KCNH8: variants seen among roughly 807,000 people sequenced by gnomAD.
KCNH8 encodes the protein voltage-gated delayed rectifier potassium channel KCNH8.
A neutral mutation model predicts 103.6 loss-of-function variants in KCNH8; 70 were observed. That is an observed-to-expected ratio of 0.68 (90% confidence interval 0.56 to 0.82). KCNH8 has a LOEUF of 0.82. KCNH8 is among the 40% of genes least tolerant of loss of function. The pLI is 0.00. For synonymous variants in KCNH8, 498 were observed against 489.4 expected, an observed-to-expected ratio of 1.02 and a Z score of -0.23; for missense variants, 1,217 against 1,329.9, an observed-to-expected ratio of 0.92 and a Z score of 1.32.
intron 1 of KCNH8, among the ~76,000 whole-genome samples, chr3:19,213,263 A>C (rs1317303786): frequency 6.6e-6 from 1 of 152,168 alleles, no homozygotes; most frequent in Non-Finnish European, 1.5e-5. Context: ...ATCTTTTTTA[A>C]TAGGAGTGTT....
At chr3:19,481,245 C>T (rs2068081215) in intron 11 of KCNH8, among the ~76,000 whole-genome samples, 2 of 152,056 alleles carry the variant, frequency 1.3e-5, no homozygotes, top group Admixed American at 1.3e-4. Flanking sequence ...GGAATCACTG[C>T]TTTTAATGTA....
At chr3:19,208,305 C>T (rs138242868) in intron 1 of KCNH8, among the ~76,000 whole-genome samples, 1 of 152,108 alleles carries the variant, frequency 6.6e-6, no homozygotes, top group African/African-American at 2.4e-5. Context: ...AGAAAGTACA[C>T]ATTTAACATT....
At chr3:19,363,101 C>G (rs533302854) in intron 5 of KCNH8, among the ~76,000 whole-genome samples, 3 of 152,116 alleles carry the variant, frequency 2.0e-5, no homozygotes, top group African/African-American at 7.2e-5. Context: ...GATTCATTTA[C>G]TACTTAAAGG....
intron 8 of KCNH8, among the ~76,000 whole-genome samples, chr3:19,438,963 A>G (rs1250139968): frequency 6.6e-6 from 1 of 152,214 alleles, no homozygotes; most frequent in Non-Finnish European, 1.5e-5. Context: ...CTTTCTATAA[A>G]GCAAGGGTAT....
Position 19,400,231 on chromosome 3 carries a change from C to CAAAAA in KCNH8, c.1177+4940_1177+4944dup, listed in dbSNP as rs11422314. On this transcript the variant is annotated intron_variant, in intron 7 of 15. Coordinates refer to ENST00000328405, the MANE Select transcript of KCNH8 (RefSeq NM_144633.3). The stretch of plus-strand genomic sequence containing the variant: ...CCCTACCAGATACGATGTTAGCCAG[C>CAAAAA]AAAAAAAAAAAAAAAAAAAAAAAAG... Among the ~76,000 whole-genome samples the CAAAAA allele has an allele frequency of 7.3e-3, 385 of 52,834 alleles. 5 individuals are homozygous for CAAAAA. The highest frequency in any genetic ancestry group is 9.5e-3 in the East Asian group (12 of 1,258). The allele number at this position is 52,834 out of a possible 152,430, so 34.7% of individuals were successfully genotyped here.
intron 7 of KCNH8, among the ~76,000 whole-genome samples, chr3:19,408,515 A>G (rs1458926936): frequency 1.3e-5 from 2 of 152,150 alleles, no homozygotes; most frequent in Non-Finnish European, 2.9e-5. Context: ...GTCACTATCC[A>G]AAATAGAAAC....
At chr3:19,420,553 G>A (rs747098140) in intron 7 of KCNH8, among the ~76,000 whole-genome samples, 9 of 152,142 alleles carry the variant, frequency 5.9e-5, no homozygotes, top group Non-Finnish European at 1.2e-4. Flanking sequence ...AGGTTTACAG[G>A]TTGAAAAGCT....
intron 6 of KCNH8, chr3:19,391,715 C>A (rs1362549451): frequency 6.6e-6 from 1 of 151,904 alleles, no homozygotes; most frequent in Non-Finnish European, 1.5e-5. Context: ...GTGCCAACAT[C>A]TTTAAAACGT....
chr3:19,469,510 G>A (rs1407575532), intron 11 of KCNH8, among the ~76,000 whole-genome samples: 1 of 152,036 alleles, frequency 6.6e-6, no homozygotes, highest in Non-Finnish European at 1.5e-5. Context: ...CGCGATCTCG[G>A]CTCACTGCAA....
intron 2 of KCNH8, among the ~76,000 whole-genome samples, chr3:19,258,947 C>CTCTCTCTCTATATATATATA (rs1321918245): frequency 1.6e-4 from 4 of 24,802 alleles, no homozygotes; most frequent in Non-Finnish European, 2.4e-4. Flanking sequence ...CTCTCTCTCT[C>CTCTCTCTCTATATATATATA]TATATATATA....
intron 1 of KCNH8, among the ~76,000 whole-genome samples, chr3:19,222,753 C>T (rs1167159107): frequency 6.6e-6 from 1 of 151,920 alleles, no homozygotes; most frequent in Non-Finnish European, 1.5e-5. Context: ...TCTGTTTTGA[C>T]CACAGATAAA....
chr3:19,221,907 G>A (rs1011761693), intron 1 of KCNH8, among the ~76,000 whole-genome samples: 2 of 151,656 alleles, frequency 1.3e-5, no homozygotes, highest in African/African-American at 2.4e-5. Flanking sequence ...GAGTGCAATG[G>A]CACGATGTTG....
chr3:19,343,286 T>C (rs2065686008), intron 4 of KCNH8, among the ~76,000 whole-genome samples: 1 of 152,074 alleles, frequency 6.6e-6, no homozygotes, highest in Non-Finnish European at 1.5e-5. Context: ...TAAATTACAA[T>C]AGAGTTGCTT....
At chr3:19,373,397 G>A (rs553559433) in intron 5 of KCNH8, among the ~76,000 whole-genome samples, 61 of 152,130 alleles carry the variant, frequency 4.0e-4, no homozygotes, top group South Asian at 1.0e-3. Context: ...GTTTATTTGC[G>A]TAGAGGTGTT....
intron 11 of KCNH8, among the ~76,000 whole-genome samples, chr3:19,491,169 G>A (rs2068312419): frequency 6.6e-6 from 1 of 152,110 alleles, no homozygotes; most frequent in Non-Finnish European, 1.5e-5. Flanking sequence ...GTGAGTGTGT[G>A]TGTGAATGGA....
chr3:19,450,324 G>C lies in KCNH8; in HGVS notation c.1575+19G>C. On this transcript the variant is annotated intron_variant, in intron 9 of 15. Coordinates refer to ENST00000328405, the MANE Select transcript of KCNH8 (RefSeq NM_144633.3). ...AAATGAGGTAATGTTCATTTCTCAT[G>C]TTGTTTTCAGGCAGAAAGCACATAT... is the stretch of plus-strand genomic sequence containing the variant. 1 of 1,587,112 alleles carries C rather than the reference G, an allele frequency of 6.3e-7. No individual in the cohort carries two copies. The highest frequency in any genetic ancestry group is 8.7e-7 in the Non-Finnish European group (1 of 1,155,666).
At chr3:19,486,760 T>A (rs2068220183) in intron 11 of KCNH8, among the ~76,000 whole-genome samples, 1 of 152,162 alleles carries the variant, frequency 6.6e-6, no homozygotes, top group African/African-American at 2.4e-5. Context: ...GGGCTAGTAC[T>A]GCAAAGTTTG....
intron 1 of KCNH8, among the ~76,000 whole-genome samples, chr3:19,153,656 C>T (rs1474647323): frequency 2.4e-5 from 3 of 126,286 alleles, no homozygotes; most frequent in African/African-American, 9.0e-5. Context: ...TTTTTTTAGA[C>T]GAGTCTCACT....
rs2064022418 is a variant in KCNH8 at position 19,233,594 on chromosome 3, T to A, written c.77-20060T>A. On this transcript the variant is annotated intron_variant, in intron 1 of 15. Coordinates refer to ENST00000328405, the MANE Select transcript of KCNH8 (RefSeq NM_144633.3). ...ATTGTTTCATTCAAGTCATTTATTA[T>A]AACATTGATGAGAAAAAAACATCAG... 2.0e-5 allele frequency among the ~76,000 whole-genome samples: 3 copies of A among 152,188 alleles called. No individual in the cohort carries two copies. In the South Asian group the frequency reaches 6.2e-4, roughly 31 times the overall value.
Sources: gnomAD v4.1 joint callset for allele counts (sites outside exome capture counted in the v4.1 genomes callset) on GRCh38, gnomAD v4.1.1 for gene constraint, MANE v1.5 for transcripts, NCBI Gene and HGNC (gene_info 2026-07-23, HGNC 2026-07-21) for gene names.